The following SREBF2 variants were observed in gnomAD, a reference collection of about 807,000 sequenced individuals.
SREBF2 encodes sterol regulatory element binding transcription factor 2.
In SREBF2, 55 loss-of-function variants were observed where a neutral mutation model predicts 113.1. The observed-to-expected ratio is 0.49, with a 90% confidence interval of 0.39 to 0.61. The LOEUF (loss-of-function observed/expected upper bound fraction) is 0.61, where lower values mean the gene tolerates loss of function less well. Ranked by LOEUF, SREBF2 falls within the 20% of genes least tolerant of loss-of-function variation. The probability of loss-of-function intolerance (pLI) is 0.00; values close to 1 mark genes in which losing one functional copy is unlikely to be tolerated. For missense variants in SREBF2, 1,349 were observed against 1,487.4 expected, an observed-to-expected ratio of 0.91 and a Z score of 1.53; for synonymous variants, 593 against 605.7, an observed-to-expected ratio of 0.98 and a Z score of 0.31.
chr22:41,833,119 C>T lies in SREBF2; in HGVS notation c.-152C>T, dbSNP rs2076726945. On this transcript the variant is annotated 5_prime_UTR_variant, in exon 1 of 19. Transcript: ENST00000361204. The surrounding 1 kb of genome is among the most constrained non-coding windows in gnomAD (Gnocchi z 4.1). ...CCCGCCCCGCCCTTTCTGTGCGGCG[C>T]CCGGGCGCAACGCAAACATGGCGGC... is the stretch of plus-strand genomic sequence containing the variant. The T allele has an allele frequency of 9.1e-6, 5 of 550,260 alleles. No homozygotes were observed. Among genetic ancestry groups the T allele is most frequent in the Non-Finnish European group, 1.2e-5 (4 of 335,126 alleles). 34.1% of individuals were successfully genotyped at this position (550,260 alleles called of 1,614,324 possible).
intron 11 of SREBF2, among the ~76,000 whole-genome samples, chr22:41,886,539 C>CAT (rs2077300681): frequency 6.6e-6 from 1 of 152,102 alleles, no homozygotes; most frequent in South Asian, 2.1e-4. Context: ...TTTTAACTTA[C>CAT]GGCTTGAAGT....
At chr22:41,842,031 T>A (rs1221313323) in intron 1 of SREBF2, among the ~76,000 whole-genome samples, 1 of 152,264 alleles carries the variant, frequency 6.6e-6, no homozygotes, top group Non-Finnish European at 1.5e-5. Flanking sequence ...CAAGTTCAGC[T>A]GGGTAACACA....
chr22:41,878,408 G>GGTGGCA (rs1424638724), intron 9 of SREBF2, among the ~76,000 whole-genome samples: 1 of 152,170 alleles, frequency 6.6e-6, no homozygotes, highest in African/African-American at 2.4e-5. Flanking sequence ...GAAGGGCAGA[G>GGTGGCA]GTGGCAGAAG....
rs117412383 is a variant in SREBF2, at chr22:41,900,409, A to G, written c.2818A>G (p.Ser940Gly). 5.1e-5 allele frequency: 83 copies of G among 1,613,954 alleles called. No homozygotes were observed. The highest frequency in any genetic ancestry group is 4.6e-5 in the Non-Finnish European group (54 of 1,180,044). Residue 940 changes from serine (S) to glycine (G), a missense_variant, in exon 16 of 19, where the codon AGT (serine) becomes GGT (glycine). Ser to Gly is a moderately conservative substitution (Grantham distance 56). Coordinates refer to ENST00000361204, the MANE Select transcript of SREBF2 (RefSeq NM_004599.4). ...SLPGKADGQQ[S>G]SFCHCERASG... The stretch of plus-strand genomic sequence containing the variant: ...CCCTGGGAAAGCAGATGGGCAGCAG[A>G]GTTCCTTCTGCCATTGCGAGAGGGC...
At chr22:41,896,986 C>A in intron 13 of SREBF2, 66 bp from the exon 14 acceptor site, 1 of 1,145,492 alleles carries the variant, frequency 8.7e-7, no homozygotes. Flanking sequence ...AGCTGAACAG[C>A]TAGGCCATGA....
intron 9 of SREBF2, 93 bp downstream of exon 9, chr22:41,878,216 T>C (rs1404867213): frequency 3.9e-6 from 6 of 1,539,068 alleles, no homozygotes; most frequent in African/African-American, 1.4e-5. Context: ...TAGATGCTTG[T>C]GGTGAGAGGA....
chr22:41,875,834 C>A, intron 7 of SREBF2, 110 bp downstream of exon 7: 2 of 1,280,846 alleles, frequency 1.6e-6, no homozygotes, highest in Non-Finnish European at 1.1e-6. Context: ...AGGGCCTAGC[C>A]TGGAGAAAAA....
intron 1 of SREBF2, chr22:41,834,784 C>G (rs2148332182): frequency 6.6e-6 from 1 of 152,246 alleles, no homozygotes; most frequent in Middle Eastern, 3.4e-3. Context: ...CTTCTAAATA[C>G]AGAAATGGGT....
chr22:41,878,706 G>T (rs1192629129), intron 9 of SREBF2: 9 of 1,304,332 alleles, frequency 6.9e-6, no homozygotes, highest in Non-Finnish European at 9.1e-6. Flanking sequence ...TTGAGGAAGA[G>T]TTAAACATCC....
chr22:41,878,101 A>G lies in SREBF2; in HGVS notation c.1739A>G (p.Gln580Arg), dbSNP rs780606776. 6 of 1,614,048 alleles carry G rather than the reference A, an allele frequency of 3.7e-6. No homozygotes were observed. The South Asian group carries it at 6.6e-5, about 18-fold the overall frequency. The change falls in exon 9 of 19, where the codon CAG (glutamine) becomes CGG (arginine). Residue 580 changes from glutamine to arginine, a missense_variant. By Grantham distance (43) the Gln-to-Arg change is conservative (BLOSUM62 1). Coordinates refer to ENST00000361204, the MANE Select transcript of SREBF2 (RefSeq NM_004599.4). The part of the protein sequence containing the change: ...SSVTFWRHRK[Q>R]ADLDLARGDF... ...GTCACCTTCTGGAGGCACCGGAAACAGGCAGATCTGGATCTCGCCAGAGTG... is the reference window on the plus strand; with the variant it reads ...GTCACCTTCTGGAGGCACCGGAAACGGGCAGATCTGGATCTCGCCAGAGTG...
intron 1 of SREBF2, among the ~76,000 whole-genome samples, chr22:41,851,980 G>A (rs117181659): frequency 0.034 from 5,112 of 152,130 alleles, 136 homozygotes; most frequent in Middle Eastern, 0.065. Flanking sequence ...AATTAGCCGG[G>A]CATGGTAGCG....
intron 1 of SREBF2, among the ~76,000 whole-genome samples, chr22:41,851,588 G>C (rs2076931033): frequency 6.6e-6 from 1 of 152,006 alleles, no homozygotes. Context: ...CCACCTCCCG[G>C]GTTCAAGCGA....
intron 8 of SREBF2, 23 bp from the exon 9 acceptor site, chr22:41,877,917 ACT>A: frequency 3.7e-6 from 6 of 1,613,882 alleles, no homozygotes; most frequent in Non-Finnish European, 5.1e-6. Flanking sequence ...TTCCTAGCAG[ACT>A]CTGCTGAGAC....
At chr22:41,868,487 C>A in intron 2 of SREBF2, 124 bp from the exon 3 acceptor site, 4 of 1,110,742 alleles carry the variant, frequency 3.6e-6, no homozygotes, top group Non-Finnish European at 5.4e-6. Context: ...CTGTGCACAT[C>A]ATCTTCAGCA....
Sources: gnomAD v4.1 joint callset for allele counts (sites outside exome capture counted in the v4.1 genomes callset) on GRCh38, gnomAD v4.1.1 for gene constraint, Gnocchi (gnomAD v3.1) non-coding constraint, MANE v1.5 for transcripts, NCBI Gene and HGNC (gene_info 2026-07-23, HGNC 2026-07-21) for gene names.